Variants in KHDRBS2 observed in about 807,000 individuals in gnomAD.
KHDRBS2 encodes KH domain-containing, RNA-binding, signal transduction-associated protein 2.
KHDRBS2 carries 26 observed loss-of-function variants against 44.3 expected under a neutral mutation model. The observed-to-expected ratio is 0.59, with a 90% confidence interval of 0.43 to 0.81. The LOEUF (loss-of-function observed/expected upper bound fraction) is 0.81, where lower values mean the gene tolerates loss of function less well. Ranked by LOEUF, KHDRBS2 falls within the 40% of genes least tolerant of loss-of-function variation. KHDRBS2 has a pLI of 0.00. For synonymous variants in KHDRBS2, 194 were observed against 151.1 expected (o/e 1.28, Z -2.08); for missense variants, 476 against 433.1 (o/e 1.10, Z -0.88).
the KHDRBS2 span, among the ~76,000 whole-genome samples, chr6:61,553,135 CT>C: frequency 6.6e-6 from 1 of 152,024 alleles, no homozygotes; most frequent in Non-Finnish European, 1.5e-5. Flanking sequence ...TGGTTCTGGG[CT>C]TTTTTGGATA....
chr6:61,570,955 T>C, the KHDRBS2 span, among the ~76,000 whole-genome samples: 3 of 151,490 alleles, frequency 2.0e-5, no homozygotes, highest in South Asian at 2.1e-4. Flanking sequence ...TACACCAAAA[T>C]AGAATCTTCT....
chr6:61,737,783 T>C (rs768531735), intron 6 of KHDRBS2, among the ~76,000 whole-genome samples: 16 of 152,028 alleles, frequency 1.1e-4, no homozygotes, highest in Non-Finnish European at 2.4e-4. Context: ...TGGAAACTCA[T>C]AAGACGTAGG....
At chr6:61,545,696 C>T in the KHDRBS2 span, among the ~76,000 whole-genome samples, 1 of 152,010 alleles carries the variant, frequency 6.6e-6, no homozygotes, top group South Asian at 2.1e-4. Flanking sequence ...GTGTCTCCCC[C>T]ACCCCAAAAT....
At chr6:62,036,034 T>C (rs913681550) in intron 3 of KHDRBS2, among the ~76,000 whole-genome samples, 2 of 151,984 alleles carry the variant, frequency 1.3e-5, no homozygotes, top group African/African-American at 4.8e-5. Context: ...GCTCTAGACA[T>C]GAAGATTTCC....
chr6:61,942,615 TCCCAG>T (rs1812352706), intron 4 of KHDRBS2, among the ~76,000 whole-genome samples: 2 of 152,096 alleles, frequency 1.3e-5, no homozygotes, highest in Non-Finnish European at 2.9e-5. Context: ...ATTATCAAAG[TCCCAG>T]AATGCAAGGA....
chr6:61,972,630 G>C (rs1771667355), intron 4 of KHDRBS2, among the ~76,000 whole-genome samples: 1 of 152,126 alleles, frequency 6.6e-6, no homozygotes, highest in African/African-American at 2.4e-5. Context: ...CTGGATTATG[G>C]ATTCTGCTTC....
chr6:61,627,058 C>G, the KHDRBS2 span, among the ~76,000 whole-genome samples: 1 of 151,384 alleles, frequency 6.6e-6, no homozygotes, highest in Non-Finnish European at 1.5e-5. Context: ...TCGAGACCAT[C>G]CTGGCTAACA....
At chr6:61,715,998 C>A (rs578254769) in intron 7 of KHDRBS2, among the ~76,000 whole-genome samples, 31 of 151,044 alleles carry the variant, frequency 2.1e-4, no homozygotes, top group African/African-American at 6.8e-4. Context: ...TTTTTCCATT[C>A]TCGAACCATG....
intron 6 of KHDRBS2, among the ~76,000 whole-genome samples, chr6:61,777,386 G>A (rs533749839): frequency 1.3e-3 from 195 of 152,268 alleles, no homozygotes; most frequent in African/African-American, 4.6e-3. Context: ...GGAAAACAGT[G>A]CAGTTTGCCA....
At chr6:61,774,458 C>G (rs1781584828) in intron 6 of KHDRBS2, among the ~76,000 whole-genome samples, 1 of 152,000 alleles carries the variant, frequency 6.6e-6, no homozygotes, top group Non-Finnish European at 1.5e-5. Flanking sequence ...TCTCAGGATA[C>G]AAAATCAATG....
At chr6:61,832,089 C>G (rs1462872119) in intron 6 of KHDRBS2, among the ~76,000 whole-genome samples, 13 of 151,994 alleles carry the variant, frequency 8.6e-5, no homozygotes, top group African/African-American at 2.9e-4. Context: ...AATAAATTTG[C>G]CAAGTGTGCT....
intron 2 of KHDRBS2, among the ~76,000 whole-genome samples, chr6:62,113,631 TATTG>T (rs1401169247): frequency 3.9e-5 from 6 of 152,178 alleles, no homozygotes; most frequent in Non-Finnish European, 5.9e-5. Flanking sequence ...AATTGAGTAA[TATTG>T]TGAACATCTG....
At chr6:62,112,797 G>T (rs537253271) in intron 2 of KHDRBS2, among the ~76,000 whole-genome samples, 1 of 152,046 alleles carries the variant, frequency 6.6e-6, no homozygotes, top group South Asian at 2.1e-4. Flanking sequence ...AAAATGGTGC[G>T]ATATAATATT....
intron 7 of KHDRBS2, among the ~76,000 whole-genome samples, chr6:61,720,805 G>A (rs550499991): frequency 0.01 from 1,576 of 151,194 alleles, 9 homozygotes; most frequent in Middle Eastern, 0.027. Context: ...TGTCAATTTT[G>A]GCTTTTGTTG....
the KHDRBS2 span, among the ~76,000 whole-genome samples, chr6:61,589,702 T>C: frequency 2.8e-3 from 424 of 152,296 alleles, 2 homozygotes; most frequent in Non-Finnish European, 4.0e-3. Context: ...TTTCTGTTTC[T>C]ATGTCTTCCT....
intron 2 of KHDRBS2, among the ~76,000 whole-genome samples, chr6:62,054,475 A>G (rs752826080): frequency 6.6e-5 from 10 of 152,062 alleles, no homozygotes; most frequent in Non-Finnish European, 1.3e-4. Context: ...GAATCTGTAA[A>G]TATGTTACTC....
At chr6:62,066,553 G>A (rs1212154420) in intron 2 of KHDRBS2, among the ~76,000 whole-genome samples, 1 of 151,608 alleles carries the variant, frequency 6.6e-6, no homozygotes, top group Non-Finnish European at 1.5e-5. Context: ...TGTCACATAA[G>A]TCTCTTGTAT....
At chr6:61,817,920 T>C (rs1615528) in intron 6 of KHDRBS2, among the ~76,000 whole-genome samples, 45,548 of 151,906 alleles carry the variant, frequency 0.3, 7,067 homozygotes, top group South Asian at 0.36. Flanking sequence ...AATTAGAGTG[T>C]TGATATGCCT....
At chr6:61,970,347 T>A (rs575485336) in intron 4 of KHDRBS2, among the ~76,000 whole-genome samples, 5 of 150,280 alleles carry the variant, frequency 3.3e-5, no homozygotes, top group African/African-American at 4.9e-5. Flanking sequence ...CAAATGCATT[T>A]AAAAAAAAAA....
Sources: allele counts gnomAD v4.1 joint callset (sites outside exome capture counted in the v4.1 genomes callset), GRCh38; gene constraint gnomAD v4.1.1; transcripts MANE v1.5; gene names NCBI Gene and HGNC (gene_info 2026-07-23, HGNC 2026-07-21).